SMARCA4: variants seen among roughly 807,000 people sequenced by gnomAD.
SMARCA4 encodes the protein SWI/SNF related BAF chromatin remodeling complex subunit ATPase 4.
A neutral mutation model predicts 193.9 loss-of-function variants in SMARCA4; 31 were observed. The observed-to-expected ratio is 0.16, with a 90% CI of 0.12 to 0.22. SMARCA4 has a LOEUF of 0.22. SMARCA4 is among the 10% of genes least tolerant of loss of function. The pLI is 1.00. For missense variants in SMARCA4, 1,148 were observed against 2,296.0 expected (o/e 0.50, Z 10.22); for synonymous variants, 942 against 933.1 (o/e 1.01, Z -0.17).
In SMARCA4 at chr19:11,033,877, A is replaced by G; in HGVS notation, c.3873+12A>G. The G allele has an allele frequency of 1.3e-6, 1 of 777,584 alleles. No homozygotes were observed. Among genetic ancestry groups the G allele is most frequent in the Non-Finnish European group, 2.4e-6 (1 of 417,962 alleles). 48.2% of individuals were successfully genotyped at this position (777,584 alleles called of 1,614,324 possible). On this transcript the variant is annotated intron_variant, in intron 27 of 34. Coordinates refer to ENST00000344626, the MANE Select transcript of SMARCA4 (RefSeq NM_003072.5). The surrounding 1 kb of genome is among the most constrained non-coding windows in gnomAD (Gnocchi z 9.8). ...AGCCACCTCTAAAGGTGAGAGGGGT[A>G]GTTCAGTCTCCATGCCCATTCAATC... is the stretch of plus-strand genomic sequence containing the variant.
intron 11 of SMARCA4, among the ~76,000 whole-genome samples, chr19:10,998,210 G>T (rs2087268394): frequency 6.6e-6 from 1 of 152,180 alleles, no homozygotes; most frequent in Non-Finnish European, 1.5e-5. Flanking sequence ...TCATCCAGTG[G>T]CCCCGGACTT....
intron 22 of SMARCA4, 98 bp from the exon 23 acceptor site, chr19:11,026,202 G>A: frequency 4.2e-6 from 4 of 944,926 alleles, no homozygotes; most frequent in Non-Finnish European, 7.0e-6. Flanking sequence ...CACAGTGTGG[G>A]GGCTTTGTCC....
chr19:11,058,723 AGC>A lies in SMARCA4; in HGVS notation c.4534-64_4534-63del. The A allele has an allele frequency of 7.2e-7, 1 of 1,387,886 alleles. No individual in the cohort carries two copies. Among genetic ancestry groups the A allele is most frequent in the Non-Finnish European group, 1.0e-6 (1 of 975,508 alleles). 86.0% of individuals were successfully genotyped at this position (1,387,886 alleles called of 1,614,324 possible). A position where few individuals can be genotyped will look rare whatever the true frequency, so the allele number is the denominator to read the frequency against. On this transcript the variant is annotated intron_variant, in intron 31 of 34. Transcript: ENST00000344626. The surrounding 1 kb of genome is among the most constrained non-coding windows in gnomAD (Gnocchi z 5.8). ...CTAGCCCGTGGGGTCTCCAGCACAC[AGC>A]CAGGCCTGCGGGCAGGCGAGGCGGG...
chr19:10,966,251 T>A (rs1196138922), intron 1 of SMARCA4, among the ~76,000 whole-genome samples: 1 of 152,040 alleles, frequency 6.6e-6, no homozygotes, highest in African/African-American at 2.4e-5. Flanking sequence ...CCCAAAGTGC[T>A]GGGATTACAG....
chr19:10,973,862 G>A (rs1417614512), intron 1 of SMARCA4, among the ~76,000 whole-genome samples: 14 of 152,184 alleles, frequency 9.2e-5, no homozygotes, highest in Admixed American at 3.3e-4. Flanking sequence ...GAGCCACCGC[G>A]CCCGGCCTGG....
intron 1 of SMARCA4, chr19:10,965,268 C>T (rs751781062): frequency 2.6e-5 from 4 of 152,182 alleles, no homozygotes; most frequent in Admixed American, 2.6e-4. Flanking sequence ...GCTCACACCC[C>T]ACTCTTGACT....
chr19:11,052,786 G>A (rs1012269807), intron 30 of SMARCA4, among the ~76,000 whole-genome samples: 10 of 152,146 alleles, frequency 6.6e-5, no homozygotes, highest in Non-Finnish European at 1.2e-4. Context: ...ACTCAGGACC[G>A]ACTGCACCTG....
intron 16 of SMARCA4, among the ~76,000 whole-genome samples, chr19:11,014,531 G>A (rs925138221): frequency 2.6e-5 from 4 of 152,176 alleles, no homozygotes; most frequent in African/African-American, 9.6e-5. Context: ...GCACCTGCCT[G>A]AGCTCTGTCC....
chr19:11,056,061 A>C (rs1179169654), intron 30 of SMARCA4, among the ~76,000 whole-genome samples: 1 of 152,162 alleles, frequency 6.6e-6, no homozygotes. Context: ...TGCTGCCATC[A>C]TGAAGAGAGA....
rs1599943452 is a variant in SMARCA4, at chr19:10,985,525, T to G, written c.355+120T>G. 1.6e-6 allele frequency: 2 copies of G among 1,263,362 alleles called. No homozygotes were observed. Among genetic ancestry groups the G allele is most frequent in the South Asian group, 1.3e-5 (1 of 76,698 alleles). The allele number at this position is 1,263,362 out of a possible 1,614,324, so 78.3% of individuals were successfully genotyped here. A position where few individuals can be genotyped will look rare whatever the true frequency, so the allele number is the denominator to read the frequency against. On this transcript the variant is annotated intron_variant, in intron 3 of 34. Transcript: ENST00000344626. The surrounding 1 kb of genome is among the most constrained non-coding windows in gnomAD (Gnocchi z 4.5). ...GAGTACCTAGGATGATGTAGCCGGG[T>G]GGGTGGCCCGCCACAGAGAGCTGTC...
chr19:10,996,359 AAAG>A lies in SMARCA4; in HGVS notation c.1746_1748del (p.Lys588del), dbSNP rs747503505. On this transcript the variant is annotated inframe_deletion, in exon 10 of 35. Transcript: ENST00000344626. ...AGGCTGCCCAGGTCGCCAAGGAGAAAAAGAAGAAAAAGAAAAAGAAGGTGTGCT... is the reference window on the plus strand; with the variant it reads ...AGGCTGCCCAGGTCGCCAAGGAGAAAAAGAAAAAGAAAAAGAAGGTGTGCT... 7 of 1,614,242 alleles carry A rather than the reference AAAG, an allele frequency of 4.3e-6. No individual in the cohort carries two copies. Among genetic ancestry groups the A allele is most frequent in the South Asian group, 2.2e-5 (2 of 91,090 alleles).
chr19:11,009,354 G>A lies in SMARCA4; in HGVS notation c.2124-1027G>A, dbSNP rs150178881. 9.2e-4 allele frequency among the ~76,000 whole-genome samples: 140 copies of A among 152,102 alleles called. No individual in the cohort carries two copies. In the East Asian group the frequency reaches 0.026, roughly 29 times the overall value. The stretch of plus-strand genomic sequence containing the variant: ...TTTTAAAAGAAAAACATTCAGATTA[G>A]ATTACAAATTGCCTAAGTTTTAACA... On this transcript the variant is annotated intron_variant, in intron 14 of 34. Coordinates refer to ENST00000344626, the MANE Select transcript of SMARCA4 (RefSeq NM_003072.5).
At chr19:11,026,445 C>CA in intron 23 of SMARCA4, 99 bp downstream of exon 23, 1 of 829,590 alleles carries the variant, frequency 1.2e-6, no homozygotes, top group Non-Finnish European at 2.1e-6. Flanking sequence ...TGTCCAATTT[C>CA]AAAGGCAGAA....
At chr19:11,037,878 G>C (rs2075358659) in intron 29 of SMARCA4, among the ~76,000 whole-genome samples, 1 of 152,194 alleles carries the variant, frequency 6.6e-6, no homozygotes, top group Non-Finnish European at 1.5e-5. Context: ...ATTTGTTGAA[G>C]AGACTATTTT....
At chr19:10,996,031 C>G in intron 9 of SMARCA4, 182 bp from the exon 10 acceptor site, 1 of 720,392 alleles carries the variant, frequency 1.4e-6, no homozygotes, top group Non-Finnish European at 2.5e-6. Context: ...GGAACCTAGC[C>G]CTTGGTGGGT....
intron 21 of SMARCA4, 94 bp downstream of exon 21, chr19:11,024,532 A>G (rs2090113535): frequency 2.5e-6 from 2 of 807,924 alleles, no homozygotes; most frequent in East Asian, 2.6e-5. Flanking sequence ...CCATCGGGTC[A>G]TGATCTGGTC....
At chr19:10,969,429 C>T (rs1568394477) in intron 1 of SMARCA4, among the ~76,000 whole-genome samples, 2 of 148,290 alleles carry the variant, frequency 1.3e-5, no homozygotes, top group East Asian at 4.0e-4. Context: ...ATATTTCTTT[C>T]TTTTTTTTTT....
At chr19:11,027,609 G>A (rs1010368157) in intron 23 of SMARCA4, 175 bp from the exon 24 acceptor site, 1 of 724,186 alleles carries the variant, frequency 1.4e-6, no homozygotes, top group Non-Finnish European at 2.5e-6. Flanking sequence ...TATTTCAGTT[G>A]GGGGAAATGG....
At chr19:10,994,281 AT>A (rs1357022659) in intron 8 of SMARCA4, among the ~76,000 whole-genome samples, 1 of 129,112 alleles carries the variant, frequency 7.7e-6, no homozygotes, top group Non-Finnish European at 1.6e-5. Context: ...GACCTCAGGC[AT>A]TTTGTCCTCC....
Sources: allele counts gnomAD v4.1 joint callset (sites outside exome capture counted in the v4.1 genomes callset), GRCh38; gene constraint gnomAD v4.1.1; non-coding constraint Gnocchi (gnomAD v3.1); transcripts MANE v1.5; gene names NCBI Gene and HGNC (gene_info 2026-07-23, HGNC 2026-07-21).